ST6GAL1: variants seen among roughly 807,000 people sequenced by gnomAD.
ST6GAL1 encodes ST6 beta-galactoside alpha-2,6-sialyltransferase 1.
In ST6GAL1, 20 loss-of-function variants were observed where a neutral mutation model predicts 38.0. The ratio of observed to expected loss-of-function variants is 0.53; its 90% CI spans 0.37 to 0.77. The LOEUF is 0.77. ST6GAL1 is among the 30% of genes least tolerant of loss of function. ST6GAL1 has a pLI of 0.00. For missense variants in ST6GAL1, 432 were observed against 496.4 expected (o/e 0.87, Z 1.23); for synonymous variants, 196 against 188.2 (o/e 1.04, Z -0.34).
intron 2 of ST6GAL1, among the ~76,000 whole-genome samples, chr3:187,013,733 C>T (rs992823095): frequency 1.3e-5 from 2 of 152,074 alleles, no homozygotes; most frequent in Non-Finnish European, 2.9e-5. Context: ...TACAGATGTG[C>T]GCCACCACGC....
intron 2 of ST6GAL1, among the ~76,000 whole-genome samples, chr3:187,022,500 A>G (rs578164252): frequency 6.6e-6 from 1 of 152,254 alleles, no homozygotes. Flanking sequence ...TGAGTAAGAT[A>G]AGGAGGTTGT....
chr3:187,027,065 T>TAAATAAA (rs1210533352), intron 2 of ST6GAL1, among the ~76,000 whole-genome samples: 5 of 149,042 alleles, frequency 3.4e-5, no homozygotes, highest in Non-Finnish European at 7.5e-5. Context: ...AATAAATAAA[T>TAAATAAA]AAATAAAAAA....
intron 1 of ST6GAL1, among the ~76,000 whole-genome samples, chr3:186,936,649 T>C (rs1713962815): frequency 6.6e-6 from 1 of 152,130 alleles, no homozygotes; most frequent in South Asian, 2.1e-4. Context: ...ATTATAAAAA[T>C]AAAGCTAGGG....
At chr3:186,960,271 T>G (rs186714821) in intron 1 of ST6GAL1, among the ~76,000 whole-genome samples, 1 of 152,196 alleles carries the variant, frequency 6.6e-6, no homozygotes. Context: ...TGCTTCTGGG[T>G]CTAAGGGCAG....
Position 186,983,047 on chromosome 3 carries a change from T to A in ST6GAL1, c.-183+19121T>A, listed in dbSNP as rs1300714250. Among the ~76,000 whole-genome samples, 4 of 152,180 alleles carry A rather than the reference T, an allele frequency of 2.6e-5. No individual in the cohort carries two copies. In the East Asian group the frequency reaches 7.7e-4, roughly 29 times the overall value. ...TGGCTGCTTTGTTTTCTGTCTCAGGTACGCTAAGTTTGTCTCTCAAAACTC... is the reference window on the plus strand; with the variant it reads ...TGGCTGCTTTGTTTTCTGTCTCAGGAACGCTAAGTTTGTCTCTCAAAACTC... On this transcript the variant is annotated intron_variant, in intron 2 of 7. Coordinates refer to ENST00000169298, the MANE Select transcript of ST6GAL1 (RefSeq NM_173216.2).
At chr3:187,045,290 C>CTT (rs4012167) in intron 4 of ST6GAL1, among the ~76,000 whole-genome samples, 29,608 of 146,812 alleles carry the variant, frequency 0.2, 3,004 homozygotes, top group Admixed American at 0.3. Context: ...CATTTTATGA[C>CTT]TTTTTTTTTT....
At chr3:187,036,399 G>A (rs752093606) in intron 2 of ST6GAL1, among the ~76,000 whole-genome samples, 2 of 152,152 alleles carry the variant, frequency 1.3e-5, no homozygotes, top group Non-Finnish European at 2.9e-5. Context: ...ACATTACTGG[G>A]TATATATCCA....
chr3:187,040,535 T>G (rs1718090556), intron 3 of ST6GAL1, among the ~76,000 whole-genome samples: 1 of 152,224 alleles, frequency 6.6e-6, no homozygotes, highest in Admixed American at 6.5e-5. Flanking sequence ...TAAGTCTCAG[T>G]TTTTTCCATT....
intron 1 of ST6GAL1, among the ~76,000 whole-genome samples, chr3:186,963,359 G>T (rs988269938): frequency 6.6e-6 from 1 of 152,098 alleles, no homozygotes; most frequent in Non-Finnish European, 1.5e-5. Context: ...CAAGTAGCTG[G>T]GGTTACAGGC....
rs117455137 is a variant in ST6GAL1 at position 186,953,308 on chromosome 3, G to A, written c.-324-10477G>A. Among the ~76,000 whole-genome samples the A allele has an allele frequency of 3.9e-5, 6 of 152,236 alleles. No individual in the cohort carries two copies. In the East Asian group the frequency reaches 5.8e-4, roughly 15 times the overall value. On this transcript the variant is annotated intron_variant, in intron 1 of 7. Transcript: ENST00000169298. ...ACTTCATCTCCTGCTCTTTTCCACC[G>A]CTTCATTCTGCTTCACCTCACTGAG... is the stretch of plus-strand genomic sequence containing the variant.
In ST6GAL1 at chr3:187,001,090, G is replaced by A. The variant is rs888079274; in HGVS notation, c.-183+37164G>A. Among the ~76,000 whole-genome samples, 24 of 152,316 alleles carry A rather than the reference G, an allele frequency of 1.6e-4. No homozygotes were observed. The South Asian group carries it at 2.9e-3, about 18-fold the overall frequency. ...CAGATGAATGGTGAGAGCCAAACCC[G>A]AAGACCCACAGGTTTCAAGCTGGCC... On this transcript the variant is annotated intron_variant, in intron 2 of 7. Coordinates refer to ENST00000169298, the MANE Select transcript of ST6GAL1 (RefSeq NM_173216.2).
chr3:186,968,587 T>C (rs1715231788), intron 2 of ST6GAL1, among the ~76,000 whole-genome samples: 1 of 152,180 alleles, frequency 6.6e-6, no homozygotes, highest in African/African-American at 2.4e-5. Context: ...TCTCACACTA[T>C]AGGTTCGTTT....
chr3:187,013,018 G>C (rs569390686), intron 2 of ST6GAL1, among the ~76,000 whole-genome samples: 1 of 152,322 alleles, frequency 6.6e-6, no homozygotes, highest in East Asian at 1.9e-4. Context: ...AGGGCTCAGG[G>C]AGAATTTAAC....
At chr3:187,042,401 T>C (rs963563767) in intron 3 of ST6GAL1, among the ~76,000 whole-genome samples, 7 of 151,990 alleles carry the variant, frequency 4.6e-5, no homozygotes, top group East Asian at 1.9e-4. Context: ...ATATAAAGTG[T>C]TCATGGCTCA....
At chr3:186,989,427 A>T (rs1040017035) in intron 2 of ST6GAL1, among the ~76,000 whole-genome samples, 1 of 152,196 alleles carries the variant, frequency 6.6e-6, no homozygotes, top group Non-Finnish European at 1.5e-5. Flanking sequence ...GGTTGTCATT[A>T]TTACAGATGT....
chr3:187,065,016 T>C (rs1719050576), intron 5 of ST6GAL1, among the ~76,000 whole-genome samples: 1 of 151,894 alleles, frequency 6.6e-6, no homozygotes, highest in Non-Finnish European at 1.5e-5. Flanking sequence ...TTTTTTTTTT[T>C]TTTTGAGACA....
rs2108607373 is a variant in ST6GAL1, at chr3:187,075,889, A to G, written c.*86A>G. 1 of 1,562,490 alleles carries G rather than the reference A, an allele frequency of 6.4e-7. No homozygotes were observed. The highest frequency in any genetic ancestry group is 8.7e-7 in the Non-Finnish European group (1 of 1,154,894). On this transcript the variant is annotated 3_prime_UTR_variant, in exon 8 of 8. Transcript: ENST00000169298. The surrounding 1 kb of genome is among the most constrained non-coding windows in gnomAD (Gnocchi z 4.1). ...CCTGGGAAGAACATTTTCCTGAACA[A>G]TTCCAGCCTGCTCCTTTTACTCTAG...
At chr3:187,069,332 G>A (rs1018529246) in intron 5 of ST6GAL1, among the ~76,000 whole-genome samples, 6 of 151,970 alleles carry the variant, frequency 3.9e-5, no homozygotes, top group African/African-American at 9.7e-5. Flanking sequence ...ACAGGGTTTC[G>A]CCATGTTGGC....
At chr3:187,062,302 ACC>A in intron 5 of ST6GAL1, among the ~76,000 whole-genome samples, 1 of 152,266 alleles carries the variant, frequency 6.6e-6, no homozygotes, top group East Asian at 1.9e-4. Context: ...AAATGGAATT[ACC>A]GTGTAATCTA....
Sources: gnomAD v4.1 joint callset for allele counts (sites outside exome capture counted in the v4.1 genomes callset) on GRCh38, gnomAD v4.1.1 for gene constraint, Gnocchi (gnomAD v3.1) non-coding constraint, MANE v1.5 for transcripts, NCBI Gene and HGNC (gene_info 2026-07-23, HGNC 2026-07-21) for gene names.